The following HS3ST5 variants were observed in gnomAD, a reference collection of about 807,000 sequenced individuals.
HS3ST5 encodes the protein heparan sulfate-glucosamine 3-sulfotransferase 5.
A neutral mutation model predicts 25.4 loss-of-function variants in HS3ST5; 10 were observed. The observed-to-expected ratio is 0.39, with a 90% CI of 0.24 to 0.67. The LOEUF (loss-of-function observed/expected upper bound fraction) is 0.67, where lower values mean the gene tolerates loss of function less well. HS3ST5 is among the 30% of genes least tolerant of loss of function. HS3ST5 has a pLI of 0.44. For missense variants in HS3ST5, 324 were observed against 420.7 expected (o/e 0.77, Z 2.01); for synonymous variants, 170 against 162.4 (o/e 1.05, Z -0.36).
At chr6:114,255,344 C>T (rs1448513198) in intron 1 of HS3ST5, among the ~76,000 whole-genome samples, 6 of 152,198 alleles carry the variant, frequency 3.9e-5, no homozygotes, top group African/African-American at 1.4e-4. Context: ...TTGCAGGGTG[C>T]AGCCTCCCTC....
At chr6:114,315,339 T>C (rs959176903) in intron 1 of HS3ST5, among the ~76,000 whole-genome samples, 16 of 152,198 alleles carry the variant, frequency 1.1e-4, no homozygotes, top group African/African-American at 3.6e-4. Flanking sequence ...AAAAAAGATA[T>C]ATTTTCAGTC....
At chr6:114,059,252 G>T (rs771470559) in intron 4 of HS3ST5, 8 of 152,108 alleles carry the variant, frequency 5.3e-5, no homozygotes, top group Non-Finnish European at 1.2e-4. Flanking sequence ...CCCCTAAGTT[G>T]ATCTGTGAGG....
At chr6:114,078,760 A>G (rs1226754351) in intron 3 of HS3ST5, among the ~76,000 whole-genome samples, 1 of 152,084 alleles carries the variant, frequency 6.6e-6, no homozygotes, top group Non-Finnish European at 1.5e-5. Context: ...TCCCCTTTCT[A>G]TGAAGATTTG....
At chr6:114,139,104 A>C (rs1322106126) in intron 3 of HS3ST5, among the ~76,000 whole-genome samples, 1 of 152,222 alleles carries the variant, frequency 6.6e-6, no homozygotes. Context: ...AGCACCATTC[A>C]GTCCCACAGG....
chr6:114,068,309 G>C (rs115629860), intron 3 of HS3ST5, among the ~76,000 whole-genome samples: 2,450 of 152,212 alleles, frequency 0.016, 67 homozygotes, highest in African/African-American at 0.055. Context: ...TTCTAATGAG[G>C]CTCTCTAGCA....
At chr6:114,308,097 A>C (rs1775372591) in intron 1 of HS3ST5, among the ~76,000 whole-genome samples, 1 of 152,198 alleles carries the variant, frequency 6.6e-6, no homozygotes, top group African/African-American at 2.4e-5. Context: ...CTCTTCAAGA[A>C]AAACAGAGAA....
chr6:114,174,276 CT>C (rs1380206382), intron 2 of HS3ST5, among the ~76,000 whole-genome samples: 1 of 152,002 alleles, frequency 6.6e-6, no homozygotes, highest in East Asian at 1.9e-4. Flanking sequence ...TCCAGGTGCC[CT>C]TTCTCTAGAT....
chr6:114,240,009 T>TACACACACACACAC (rs149926688), intron 1 of HS3ST5, among the ~76,000 whole-genome samples: 10 of 148,998 alleles, frequency 6.7e-5, no homozygotes, highest in African/African-American at 2.2e-4. Flanking sequence ...AGCACACACA[T>TACACACACACACAC]ACACACACAC....
chr6:114,067,709 G>A (rs569574709), intron 3 of HS3ST5, among the ~76,000 whole-genome samples: 1 of 152,248 alleles, frequency 6.6e-6, no homozygotes, highest in African/African-American at 2.4e-5. Context: ...GCCCCGTCTG[G>A]TTATGGCAGG....
At chr6:114,119,375 C>T (rs564463066) in intron 3 of HS3ST5, among the ~76,000 whole-genome samples, 15 of 152,278 alleles carry the variant, frequency 9.9e-5, no homozygotes, top group African/African-American at 3.4e-4. Flanking sequence ...TTCTTGACTT[C>T]CAGAAAATAA....
chr6:114,198,250 C>A (rs6908413), intron 2 of HS3ST5, among the ~76,000 whole-genome samples: 33,266 of 151,804 alleles, frequency 0.22, 3,776 homozygotes, highest in Middle Eastern at 0.27. Context: ...AAAAAGGAAT[C>A]TTTAAAAAAT....
chr6:114,243,485 T>C (rs1424935465), intron 1 of HS3ST5, among the ~76,000 whole-genome samples: 1 of 152,186 alleles, frequency 6.6e-6, no homozygotes, highest in Non-Finnish European at 1.5e-5. Flanking sequence ...ACTCATTGGT[T>C]ATCATGGGGG....
intron 3 of HS3ST5, among the ~76,000 whole-genome samples, chr6:114,166,781 C>T (rs116749860): frequency 0.015 from 2,236 of 152,084 alleles, 70 homozygotes; most frequent in African/African-American, 0.052. Flanking sequence ...CCTTCAGTGC[C>T]CCAGAACATA....
intron 4 of HS3ST5, 133 bp from the exon 5 acceptor site, chr6:114,058,323 A>G: frequency 4.5e-6 from 3 of 672,926 alleles, no homozygotes; most frequent in South Asian, 2.1e-5. Context: ...CATAATGAAC[A>G]TATGTTTGGG....
intron 3 of HS3ST5, among the ~76,000 whole-genome samples, chr6:114,116,919 C>T (rs1010373052): frequency 4.6e-5 from 7 of 152,032 alleles, no homozygotes; most frequent in Admixed American, 3.9e-4. Context: ...ATTAGACTAA[C>T]GCTTCTTGGC....
chr6:114,135,248 C>T (rs1273121856), intron 3 of HS3ST5, among the ~76,000 whole-genome samples: 1 of 152,172 alleles, frequency 6.6e-6, no homozygotes, highest in East Asian at 1.9e-4. Flanking sequence ...TCATTCCTTC[C>T]ATAATTCACA....
intron 3 of HS3ST5, among the ~76,000 whole-genome samples, chr6:114,123,892 G>A (rs1014757919): frequency 2.0e-5 from 3 of 151,924 alleles, no homozygotes; most frequent in African/African-American, 4.8e-5. Flanking sequence ...GATGTACTAC[G>A]GAGGAGAATT....
intron 1 of HS3ST5, among the ~76,000 whole-genome samples, chr6:114,321,941 T>C (rs959628264): frequency 6.6e-6 from 1 of 152,164 alleles, no homozygotes; most frequent in Non-Finnish European, 1.5e-5. Flanking sequence ...ATCATACTTA[T>C]AAGAAGTGGA....
chr6:114,167,242 A>C (rs1779263027), intron 3 of HS3ST5, among the ~76,000 whole-genome samples: 1 of 152,236 alleles, frequency 6.6e-6, no homozygotes, highest in African/African-American at 2.4e-5. Context: ...CCTAGGGTTT[A>C]AGACCAGAAA....
Sources: allele counts gnomAD v4.1 joint callset (sites outside exome capture counted in the v4.1 genomes callset), GRCh38; gene constraint gnomAD v4.1.1; transcripts MANE v1.5; gene names NCBI Gene and HGNC (gene_info 2026-07-23, HGNC 2026-07-21).